The following MEGF9 variants were observed in gnomAD, a reference collection of about 807,000 sequenced individuals.
MEGF9 encodes multiple epidermal growth factor-like domains protein 9.
Under a neutral mutation model 46.8 loss-of-function variants are expected in MEGF9, and 6 were observed. The observed-to-expected ratio is 0.13, with a 90% CI of 0.07 to 0.25. The LOEUF is 0.25. Ranked by LOEUF, MEGF9 falls within the 10% of genes least tolerant of loss-of-function variation. The pLI, the probability that MEGF9 is intolerant of heterozygous loss-of-function variation, is 1.00. For missense variants in MEGF9, 683 were observed against 792.4 expected (o/e 0.86, Z 1.66); for synonymous variants, 302 against 330.7 (o/e 0.91, Z 0.94).
intron 1 of MEGF9, among the ~76,000 whole-genome samples, chr9:120,684,134 G>A (rs540455886): frequency 6.6e-6 from 1 of 152,220 alleles, no homozygotes; most frequent in African/African-American, 2.4e-5. Flanking sequence ...GTAGACTAGG[G>A]CTACAGGTTT....
chr9:120,657,634 T>C (rs2043683442), intron 2 of MEGF9, among the ~76,000 whole-genome samples: 1 of 152,200 alleles, frequency 6.6e-6, no homozygotes, highest in African/African-American at 2.4e-5. Flanking sequence ...TTTAAAACGG[T>C]AAGCAATGTG....
rs982610690 is a variant in MEGF9 at position 120,605,713 on chromosome 9, C to T, written c.1358-72G>A. 6.6e-5 allele frequency: 73 copies of T among 1,098,020 alleles called. 2 individuals carry two copies. In the South Asian group the frequency reaches 6.8e-4, roughly 10 times the overall value. The allele number at this position is 1,098,020 out of a possible 1,614,324, so 68.0% of individuals were successfully genotyped here. A position where few individuals can be genotyped will look rare whatever the true frequency, so the allele number is the denominator to read the frequency against. On this transcript the variant is annotated intron_variant, in intron 5 of 5. Transcript: ENST00000373930. The surrounding 1 kb of genome is among the most constrained non-coding windows in gnomAD (Gnocchi z 4.0). The stretch of plus-strand genomic sequence containing the variant: ...GTTTTGAGAAACAATAAAAGAAATA[C>T]GCATGGGAGTGAATGTTGATGTAGG...
intron 1 of MEGF9, among the ~76,000 whole-genome samples, chr9:120,705,672 T>G (rs2043926208): frequency 6.6e-6 from 1 of 152,066 alleles, no homozygotes; most frequent in African/African-American, 2.4e-5. Context: ...TGGATACATC[T>G]AAAAGGATAA....
chr9:120,622,681 A>C lies in MEGF9; in HGVS notation c.878T>G (p.Phe293Cys). The C allele has an allele frequency of 6.2e-7, 1 of 1,613,870 alleles. No individual in the cohort carries two copies. The highest frequency in any genetic ancestry group is 1.1e-5 in the South Asian group (1 of 91,070). The change falls in exon 3 of 6, where the codon TTT becomes TGT. Residue 293 changes from phenylalanine to cysteine, a missense_variant. Phe to Cys is a radical substitution (Grantham distance 205). Coordinates refer to ENST00000373930, the MANE Select transcript of MEGF9 (RefSeq NM_001080497.3). ...CDRCQDGYYGFSKNGCLPCQC... is the reference protein window; with the variant it reads ...CDRCQDGYYGCSKNGCLPCQC... ...GCAGGGCAAGCAGCCATTCTTACTA[A>C]AGCCATAATATCCATCTTGGCATCG...
intron 1 of MEGF9, among the ~76,000 whole-genome samples, chr9:120,693,596 A>C (rs1208388193): frequency 6.6e-6 from 1 of 152,252 alleles, no homozygotes; most frequent in Non-Finnish European, 1.5e-5. Context: ...AAGTTTAAGT[A>C]AACATTTTTG....
intron 1 of MEGF9, among the ~76,000 whole-genome samples, chr9:120,665,686 C>G (rs973706151): frequency 1.3e-5 from 2 of 152,102 alleles, no homozygotes; most frequent in Admixed American, 6.5e-5. Context: ...TATTCTAAAG[C>G]AGTTCCCCTG....
chr9:120,635,706 T>C (rs557530080), intron 2 of MEGF9, among the ~76,000 whole-genome samples: 1 of 152,308 alleles, frequency 6.6e-6, no homozygotes, highest in East Asian at 1.9e-4. Flanking sequence ...GAATTTGTCA[T>C]TCACATCATA....
chr9:120,627,101 C>T (rs2043528652), intron 2 of MEGF9, among the ~76,000 whole-genome samples: 1 of 151,770 alleles, frequency 6.6e-6, no homozygotes. Flanking sequence ...AAAAGCAAAA[C>T]ATTAAAGGAT....
intron 1 of MEGF9, among the ~76,000 whole-genome samples, chr9:120,675,433 A>T (rs950176691): frequency 2.6e-5 from 4 of 152,008 alleles, no homozygotes; most frequent in Non-Finnish European, 5.9e-5. Context: ...AATATAAAAA[A>T]TTTTTAAAAA....
chr9:120,622,879 C>T, intron 2 of MEGF9, 124 bp from the exon 3 acceptor site: 1 of 902,268 alleles, frequency 1.1e-6, no homozygotes, highest in Non-Finnish European at 1.6e-6. Flanking sequence ...TATCTCAAAG[C>T]CTTGTGTCCA....
intron 1 of MEGF9, among the ~76,000 whole-genome samples, chr9:120,699,556 ATT>A (rs922398440): frequency 3.4e-5 from 5 of 145,084 alleles, no homozygotes; most frequent in Admixed American, 1.4e-4. Context: ...CATGTCTACA[ATT>A]TTTTTTTTTT....
At chr9:120,686,548 G>C (rs984656503) in intron 1 of MEGF9, among the ~76,000 whole-genome samples, 15 of 152,198 alleles carry the variant, frequency 9.9e-5, no homozygotes, top group African/African-American at 3.1e-4. Flanking sequence ...GAGAGAGGGA[G>C]CTATCATGAT....
In MEGF9 at chr9:120,676,323, T is replaced by C. The variant is rs36071981; in HGVS notation, c.602-16748A>G. Among the ~76,000 whole-genome samples the C allele has an allele frequency of 9.2e-3, 1,403 of 152,322 alleles. 12 individuals carry two copies. The highest frequency in any genetic ancestry group is 0.01 in the Non-Finnish European group (713 of 68,034). On this transcript the variant is annotated intron_variant, in intron 1 of 5. Transcript: ENST00000373930. ...CTAACATGTGTCTCCACTTATTCAG[T>C]CTTCTTTTATATCAGTGAAATTTTA...
chr9:120,685,436 C>T (rs78551756), intron 1 of MEGF9, among the ~76,000 whole-genome samples: 1 of 152,186 alleles, frequency 6.6e-6, no homozygotes, highest in Non-Finnish European at 1.5e-5. Context: ...GCTCCCTCCT[C>T]CCCTCCTGAA....
intron 2 of MEGF9, among the ~76,000 whole-genome samples, chr9:120,628,685 C>A (rs372096907): frequency 1.7e-3 from 259 of 152,086 alleles, no homozygotes; most frequent in African/African-American, 5.9e-3. Flanking sequence ...TTATAATGGA[C>A]AGTGAGCTTA....
intron 1 of MEGF9, among the ~76,000 whole-genome samples, chr9:120,680,493 T>C (rs2043793211): frequency 6.6e-6 from 1 of 152,192 alleles, no homozygotes. Flanking sequence ...TCTCTCTCCC[T>C]GTGCTGAGCC....
Position 120,662,643 on chromosome 9 carries a change from C to T in MEGF9, c.602-3068G>A, listed in dbSNP as rs542621204. On this transcript the variant is annotated intron_variant, in intron 1 of 5. Coordinates refer to ENST00000373930, the MANE Select transcript of MEGF9 (RefSeq NM_001080497.3). Reference sequence around the variant, plus strand: ...TAATAGTAGCTATACCACTCAGTCCCAATACTTAAGCTGGAAGTGCTTTGG... The same window carrying T: ...TAATAGTAGCTATACCACTCAGTCCTAATACTTAAGCTGGAAGTGCTTTGG... 2.4e-3 allele frequency among the ~76,000 whole-genome samples: 358 copies of T among 152,292 alleles called. 2 individuals carry two copies. Among genetic ancestry groups the T allele is most frequent in the African/African-American group, 8.3e-3 (347 of 41,562 alleles).
At chr9:120,637,078 C>T (rs756583620) in intron 2 of MEGF9, among the ~76,000 whole-genome samples, 1 of 152,222 alleles carries the variant, frequency 6.6e-6, no homozygotes, top group Non-Finnish European at 1.5e-5. Flanking sequence ...CATTTCTGTA[C>T]TAAGAAAAAT....
intron 1 of MEGF9, among the ~76,000 whole-genome samples, chr9:120,695,276 G>A (rs772275719): frequency 6.6e-6 from 1 of 152,044 alleles, no homozygotes; most frequent in Non-Finnish European, 1.5e-5. Context: ...CAGTTACATA[G>A]ACAAGTAATA....
Sources: gnomAD v4.1 joint callset for allele counts (sites outside exome capture counted in the v4.1 genomes callset) on GRCh38, gnomAD v4.1.1 for gene constraint, Gnocchi (gnomAD v3.1) non-coding constraint, MANE v1.5 for transcripts, NCBI Gene and HGNC (gene_info 2026-07-23, HGNC 2026-07-21) for gene names.